The following SAMSN1 variants were observed in gnomAD, a reference collection of about 807,000 sequenced individuals.
The protein encoded by SAMSN1 is SAM domain-containing protein SAMSN-1.
Under a neutral mutation model 42.0 loss-of-function variants are expected in SAMSN1, and 31 were observed. The ratio of observed to expected loss-of-function variants is 0.74; its 90% CI spans 0.55 to 1.00. SAMSN1 has a LOEUF of 1.00. Among genes scored for constraint, SAMSN1 ranks in the 50% least tolerant of loss-of-function variants. The probability of loss-of-function intolerance (pLI) is 0.00; values close to 1 mark genes in which losing one functional copy is unlikely to be tolerated. For synonymous variants in SAMSN1, 178 were observed against 151.9 expected, an observed-to-expected ratio of 1.17 and a Z score of -1.26; for missense variants, 464 against 439.4, an observed-to-expected ratio of 1.06 and a Z score of -0.50.
At chr21:14,525,734 G>T (rs1008373783) in intron 1 of SAMSN1, among the ~76,000 whole-genome samples, 4 of 152,052 alleles carry the variant, frequency 2.6e-5, no homozygotes, top group Non-Finnish European at 5.9e-5. Flanking sequence ...CTATATGGGG[G>T]TAGATTTTAC....
chr21:14,618,227 G>C (rs1982894977), intron 2 of SAMSN1, among the ~76,000 whole-genome samples: 1 of 152,108 alleles, frequency 6.6e-6, no homozygotes, highest in Admixed American at 6.5e-5. Context: ...AATATTTTGG[G>C]CAAAAAATTG....
chr21:14,635,206 G>A (rs1269975270), intron 2 of SAMSN1, among the ~76,000 whole-genome samples: 1 of 152,168 alleles, frequency 6.6e-6, no homozygotes, highest in Non-Finnish European at 1.5e-5. Context: ...GGGAGGGATA[G>A]CATTAGGACA....
chr21:14,629,433 T>G (rs1983266626), intron 2 of SAMSN1, among the ~76,000 whole-genome samples: 1 of 152,170 alleles, frequency 6.6e-6, no homozygotes, highest in South Asian at 2.1e-4. Flanking sequence ...GTAATAATGT[T>G]ATGGTTCTCA....
At chr21:14,565,831 G>A (rs1463311454) in intron 2 of SAMSN1, among the ~76,000 whole-genome samples, 1 of 152,104 alleles carries the variant, frequency 6.6e-6, no homozygotes, top group Non-Finnish European at 1.5e-5. Context: ...CAATAAAAGT[G>A]CAAAAATGCT....
chr21:14,614,518 GT>G (rs1391799997), intron 3 of SAMSN1, among the ~76,000 whole-genome samples: 4 of 151,764 alleles, frequency 2.6e-5, no homozygotes, highest in African/African-American at 9.7e-5. Flanking sequence ...CAGCTTAAGT[GT>G]TTCCCACATT....
chr21:14,512,448 T>C lies in SAMSN1; in HGVS notation c.405A>G (p.Ser135=). 5.6e-6 allele frequency: 9 copies of C among 1,612,334 alleles called. No individual in the cohort carries two copies. Among genetic ancestry groups the C allele is most frequent in the Non-Finnish European group, 7.6e-6 (9 of 1,178,416 alleles). ...TCCCTGATTCATTAGCCTTACTTGA[T>C]GAGCTCTGTCCACTGTAGAGACTAT... ...SMDSLYSGQS[S]SSGITSCSDG... is the part of the protein sequence containing the mutation. Residue 135 remains serine (S), a synonymous_variant, in exon 4 of 8, where the codon TCA becomes TCG. Coordinates refer to ENST00000400566, the MANE Select transcript of SAMSN1 (RefSeq NM_022136.5).
At chr21:14,652,106 T>G (rs915343400) in intron 1 of SAMSN1, among the ~76,000 whole-genome samples, 2 of 151,048 alleles carry the variant, frequency 1.3e-5, no homozygotes, top group Non-Finnish European at 3.0e-5. Flanking sequence ...TGTTAAAATG[T>G]CCATTCTACT....
At chr21:14,510,572 G>A in intron 4 of SAMSN1, 111 bp from the exon 5 acceptor site, 2 of 1,249,652 alleles carry the variant, frequency 1.6e-6, no homozygotes, top group East Asian at 2.4e-5. Flanking sequence ...CCAGGCTCCT[G>A]AGGAAGTTCT....
At chr21:14,608,492 CA>C (rs1402055171) in intron 5 of SAMSN1, among the ~76,000 whole-genome samples, 3 of 152,170 alleles carry the variant, frequency 2.0e-5, no homozygotes, top group African/African-American at 7.2e-5. Flanking sequence ...ACTTGAAAGG[CA>C]GTCCAGACAA....
At chr21:14,502,802 A>C (rs1355872446) in intron 5 of SAMSN1, among the ~76,000 whole-genome samples, 2 of 152,204 alleles carry the variant, frequency 1.3e-5, no homozygotes, top group African/African-American at 4.8e-5. Flanking sequence ...TTAATTCTCC[A>C]GTTGAGCTCA....
intron 2 of SAMSN1, among the ~76,000 whole-genome samples, chr21:14,632,393 T>A (rs1017589566): frequency 1.4e-4 from 22 of 152,186 alleles, no homozygotes; most frequent in Admixed American, 1.3e-4. Context: ...TCTTGTCACA[T>A]TAATTTTAGT....
At chr21:14,534,524 C>T (rs56354425) in intron 1 of SAMSN1, among the ~76,000 whole-genome samples, 2,688 of 145,964 alleles carry the variant, frequency 0.018, 72 homozygotes, top group African/African-American at 0.054. Context: ...GACTTTTTTT[C>T]TTTTTTTTTT....
chr21:14,584,397 A>G (rs1981855094), upstream of SAMSN1, among the ~76,000 whole-genome samples: 1 of 152,246 alleles, frequency 6.6e-6, no homozygotes, highest in African/African-American at 2.4e-5. Flanking sequence ...TCACTTGTTT[A>G]TTATGACAAA....
chr21:14,561,590 T>A (rs972099525), intron 2 of SAMSN1, among the ~76,000 whole-genome samples: 3 of 152,176 alleles, frequency 2.0e-5, no homozygotes, highest in Admixed American at 6.5e-5. Context: ...TTGGATGGCA[T>A]GTGTTATGGG....
chr21:14,580,219 C>T (rs977736406), intron 2 of SAMSN1, among the ~76,000 whole-genome samples: 1 of 152,182 alleles, frequency 6.6e-6, no homozygotes, highest in Non-Finnish European at 1.5e-5. Context: ...AAGTGTGAGA[C>T]AGCCTTTAGG....
intron 6 of SAMSN1, among the ~76,000 whole-genome samples, chr21:14,599,266 T>C (rs886553028): frequency 6.6e-6 from 1 of 152,110 alleles, no homozygotes; most frequent in Non-Finnish European, 1.5e-5. Flanking sequence ...AACTGGATCA[T>C]GGAGGCAGTT....
intron 3 of SAMSN1, among the ~76,000 whole-genome samples, chr21:14,615,329 A>AAT (rs1982808118): frequency 6.6e-6 from 1 of 151,360 alleles, no homozygotes; most frequent in Non-Finnish European, 1.5e-5. Context: ...AGAAAAAAAA[A>AAT]GGAAAGAATA....
intron 2 of SAMSN1, among the ~76,000 whole-genome samples, chr21:14,561,627 G>A (rs918919991): frequency 2.0e-5 from 3 of 152,126 alleles, no homozygotes; most frequent in Admixed American, 6.6e-5. Context: ...AAAAAGATAT[G>A]TTGAATTCCT....
chr21:14,645,606 C>A (rs919356759), intron 1 of SAMSN1, among the ~76,000 whole-genome samples: 1 of 152,152 alleles, frequency 6.6e-6, no homozygotes, highest in Non-Finnish European at 1.5e-5. Flanking sequence ...GCCCACACAC[C>A]GAAGAACATC....
Sources: gnomAD v4.1 joint callset for allele counts (sites outside exome capture counted in the v4.1 genomes callset) on GRCh38, gnomAD v4.1.1 for gene constraint, MANE v1.5 for transcripts, NCBI Gene and HGNC (gene_info 2026-07-23, HGNC 2026-07-21) for gene names.